The following KLF12 variants were observed in gnomAD, a reference collection of about 807,000 sequenced individuals.
KLF12 encodes the protein KLF transcription factor 12.
Under a neutral mutation model 37.8 loss-of-function variants are expected in KLF12, and 9 were observed. The ratio of observed to expected loss-of-function variants is 0.24; its 90% CI spans 0.14 to 0.42. The LOEUF (loss-of-function observed/expected upper bound fraction) is 0.42, where lower values mean the gene tolerates loss of function less well. Among genes scored for constraint, KLF12 ranks in the 10% least tolerant of loss-of-function variants. The pLI, the probability that KLF12 is intolerant of heterozygous loss-of-function variation, is 1.00. For missense variants in KLF12, 411 were observed against 516.0 expected, an observed-to-expected ratio of 0.80 and a Z score of 1.97; for synonymous variants, 208 against 202.1, an observed-to-expected ratio of 1.03 and a Z score of -0.25.
At chr13:74,107,180 T>C (rs1876703210) in intron 1 of KLF12, among the ~76,000 whole-genome samples, 1 of 152,234 alleles carries the variant, frequency 6.6e-6, no homozygotes, top group Non-Finnish European at 1.5e-5. Context: ...TGGAGCACCA[T>C]AACCCAATAA....
At chr13:74,204,263 G>C in the KLF12 span, among the ~76,000 whole-genome samples, 2 of 152,148 alleles carry the variant, frequency 1.3e-5, no homozygotes, top group Admixed American at 6.6e-5. Flanking sequence ...CTGGCCCAGG[G>C]AAGGTTTTGA....
At chr13:73,752,157 A>G (rs1055988780) in intron 6 of KLF12, among the ~76,000 whole-genome samples, 2 of 151,876 alleles carry the variant, frequency 1.3e-5, no homozygotes, top group Non-Finnish European at 1.5e-5. Flanking sequence ...TAATTTTTGT[A>G]TTTTTTGTAG....
chr13:74,092,908 G>A (rs935117658), intron 1 of KLF12, among the ~76,000 whole-genome samples: 14 of 152,146 alleles, frequency 9.2e-5, no homozygotes, highest in African/African-American at 2.9e-4. Context: ...AAGCTTCCTC[G>A]CTCACTCTCC....
chr13:74,294,665 C>T, the KLF12 span, among the ~76,000 whole-genome samples: 1 of 152,128 alleles, frequency 6.6e-6, no homozygotes, highest in Non-Finnish European at 1.5e-5. Context: ...CTGTGCCTGG[C>T]CTCTTCCACA....
chr13:74,252,283 T>C, the KLF12 span, among the ~76,000 whole-genome samples: 3 of 152,230 alleles, frequency 2.0e-5, no homozygotes, highest in Non-Finnish European at 2.9e-5. Context: ...CAGCTGACTT[T>C]ACCTGCTCCT....
chr13:74,159,367 A>G, the KLF12 span, among the ~76,000 whole-genome samples: 2 of 152,248 alleles, frequency 1.3e-5, no homozygotes, highest in Non-Finnish European at 2.9e-5. Context: ...CACAGGTAAG[A>G]GAATCATATC....
chr13:73,791,639 T>C (rs992517266), intron 5 of KLF12, among the ~76,000 whole-genome samples: 13 of 152,214 alleles, frequency 8.5e-5, no homozygotes, highest in African/African-American at 2.7e-4. Context: ...ACTTGCATTA[T>C]TTTTTCCTGT....
chr13:73,756,340 C>A (rs1879167355), intron 6 of KLF12, among the ~76,000 whole-genome samples: 2 of 152,068 alleles, frequency 1.3e-5, no homozygotes, highest in Non-Finnish European at 2.9e-5. Context: ...TTAAAGGCTG[C>A]ATTTTTAAAT....
the KLF12 span, among the ~76,000 whole-genome samples, chr13:74,299,901 C>A: frequency 6.6e-6 from 1 of 151,906 alleles, no homozygotes; most frequent in African/African-American, 2.4e-5. Flanking sequence ...GAAAGAAAGA[C>A]AAAATAAGAA....
chr13:74,116,726 G>C (rs1264700681), intron 1 of KLF12, among the ~76,000 whole-genome samples: 4 of 152,064 alleles, frequency 2.6e-5, no homozygotes, highest in Admixed American at 2.6e-4. Flanking sequence ...CTATAATTAG[G>C]CCTGAAATAA....
At chr13:73,758,848 G>A (rs1290001650) in intron 6 of KLF12, among the ~76,000 whole-genome samples, 4 of 152,060 alleles carry the variant, frequency 2.6e-5, no homozygotes, top group Non-Finnish European at 5.9e-5. Context: ...CTTTTATCAT[G>A]AATCTCTCTT....
chr13:73,758,695 C>A (rs1327244944), intron 6 of KLF12, among the ~76,000 whole-genome samples: 2 of 152,114 alleles, frequency 1.3e-5, no homozygotes, highest in African/African-American at 4.8e-5. Flanking sequence ...TCAGCATGAT[C>A]TTACAGCCTT....
chr13:74,153,469 T>G, the KLF12 span, among the ~76,000 whole-genome samples: 1 of 152,194 alleles, frequency 6.6e-6, no homozygotes, highest in Non-Finnish European at 1.5e-5. Flanking sequence ...GAACATGTGC[T>G]ATATCTATGC....
At chr13:74,184,460 A>C in the KLF12 span, among the ~76,000 whole-genome samples, 1 of 152,178 alleles carries the variant, frequency 6.6e-6, no homozygotes, top group African/African-American at 2.4e-5. Flanking sequence ...TAATGTTTCC[A>C]CTTGACCAAC....
intron 5 of KLF12, among the ~76,000 whole-genome samples, chr13:73,769,301 A>G (rs1161465940): frequency 6.6e-6 from 1 of 152,210 alleles, no homozygotes; most frequent in Non-Finnish European, 1.5e-5. Context: ...CCCTCATCAC[A>G]GCCATCAATA....
the KLF12 span, among the ~76,000 whole-genome samples, chr13:74,190,620 A>G: frequency 6.6e-6 from 1 of 152,216 alleles, no homozygotes; most frequent in Non-Finnish European, 1.5e-5. Flanking sequence ...ATACTTTATC[A>G]TTTGAAGGAA....
intron 6 of KLF12, among the ~76,000 whole-genome samples, chr13:73,762,754 T>C (rs1456201466): frequency 6.6e-6 from 1 of 152,136 alleles, no homozygotes; most frequent in African/African-American, 2.4e-5. Context: ...GTCTTTAAAC[T>C]TTCTGAATTT....
At chr13:74,262,219 G>T in the KLF12 span, among the ~76,000 whole-genome samples, 2 of 152,154 alleles carry the variant, frequency 1.3e-5, no homozygotes, top group African/African-American at 4.8e-5. Context: ...ACAAATGAGA[G>T]GCAATTAGAA....
At chr13:74,237,368 G>C in the KLF12 span, among the ~76,000 whole-genome samples, 5 of 144,496 alleles carry the variant, frequency 3.5e-5, no homozygotes, top group African/African-American at 1.1e-4. Flanking sequence ...TTTGAAGTCA[G>C]GTAGTGTGAT....
Sources: gnomAD v4.1 joint callset for allele counts (sites outside exome capture counted in the v4.1 genomes callset) on GRCh38, gnomAD v4.1.1 for gene constraint, MANE v1.5 for transcripts, NCBI Gene and HGNC (gene_info 2026-07-23, HGNC 2026-07-21) for gene names.